SLC28A3: variants seen among roughly 807,000 people sequenced by gnomAD.
SLC28A3 encodes the protein solute carrier family 28 member 3, also known as concentrative Na(+)-nucleoside cotransporter 3.
SLC28A3 carries 68 observed loss-of-function variants against 84.2 expected under a neutral mutation model. The observed-to-expected ratio is 0.81, with a 90% CI of 0.66 to 0.99. SLC28A3 has a LOEUF of 0.99. SLC28A3 is among the 50% of genes least tolerant of loss of function. SLC28A3 has a pLI of 0.00. For synonymous variants in SLC28A3, 267 were observed against 303.6 expected (o/e 0.88, Z 1.25); for missense variants, 712 against 841.5 (o/e 0.85, Z 1.90).
chr9:84,295,366 C>T lies in SLC28A3; in HGVS notation c.862-1091G>A, dbSNP rs369765774. On this transcript the variant is annotated intron_variant, in intron 8 of 17. Transcript: ENST00000376238. The stretch of plus-strand genomic sequence containing the variant: ...TTGGGATGCTGAGGCGGGCGGATCA[C>T]CTGAGGTCAGGAGTTTGAGACCAGC... 4.6e-5 allele frequency among the ~76,000 whole-genome samples: 7 copies of T among 152,076 alleles called. No individual in the cohort carries two copies. In the South Asian group the frequency reaches 8.3e-4, roughly 18 times the overall value.
rs1824649908 is a variant in SLC28A3, at chr9:84,279,401, A to C, written c.1829-16T>G. Reference sequence around the variant, plus strand: ...GAGAGTATGCCTAGAAGTGGAACAGAGTCCCATTTATTTATTATTTTTTAG... The same window carrying C: ...GAGAGTATGCCTAGAAGTGGAACAGCGTCCCATTTATTTATTATTTTTTAG... On this transcript the variant is annotated splice_polypyrimidine_tract_variant and intron_variant, in intron 16 of 17. Transcript: ENST00000376238. 1.4e-6 allele frequency: 2 copies of C among 1,467,312 alleles called. No homozygotes were observed. Among genetic ancestry groups the C allele is most frequent in the East Asian group, 5.0e-5 (2 of 40,032 alleles). The allele number at this position is 1,467,312 out of a possible 1,614,324, so 90.9% of individuals were successfully genotyped here.
At chr9:84,361,911 AAAATAAAT>A in the SLC28A3 span, among the ~76,000 whole-genome samples, 4 of 151,016 alleles carry the variant, frequency 2.6e-5, no homozygotes, top group East Asian at 1.9e-4. Flanking sequence ...TCTGTCTCTA[AAAATAAAT>A]AAATAAATAA....
At chr9:84,326,670 A>C (rs1035248489) in intron 1 of SLC28A3, among the ~76,000 whole-genome samples, 2 of 132,258 alleles carry the variant, frequency 1.5e-5, no homozygotes, top group Non-Finnish European at 3.4e-5. Context: ...CAACAACAAC[A>C]ACAACAACAA....
intron 14 of SLC28A3, among the ~76,000 whole-genome samples, chr9:84,285,075 G>A (rs1400445471): frequency 6.6e-6 from 1 of 152,174 alleles, no homozygotes; most frequent in Non-Finnish European, 1.5e-5. Context: ...ATGTGACTCT[G>A]GGTCTGTGTC....
At chr9:84,356,331 C>T in the SLC28A3 span, among the ~76,000 whole-genome samples, 36,353 of 151,784 alleles carry the variant, frequency 0.24, 6,039 homozygotes, top group African/African-American at 0.47. Flanking sequence ...TTAAGGGCTC[C>T]GAAACTGGGC....
At chr9:84,282,342 G>C (rs1564144456) in intron 14 of SLC28A3, among the ~76,000 whole-genome samples, 1 of 151,836 alleles carries the variant, frequency 6.6e-6, no homozygotes, top group Non-Finnish European at 1.5e-5. Context: ...TATAGTTGTG[G>C]TTACACAGGT....
rs1048330745 is a variant in SLC28A3 at position 84,314,210 on chromosome 9, C to CTT, written c.61-758_61-757dup. 1.1e-4 allele frequency among the ~76,000 whole-genome samples: 16 copies of CTT among 152,090 alleles called. No homozygotes were observed. The East Asian group carries it at 1.9e-3, about 18-fold the overall frequency. On this transcript the variant is annotated intron_variant, in intron 1 of 17. Coordinates refer to ENST00000376238, the MANE Select transcript of SLC28A3 (RefSeq NM_001199633.2). ...CAGTAATGGTCATAAGAAAAATGCC[C>CTT]TTTTTTGTGTGTGTGTGAGGCTGTC...
At chr9:84,313,650 C>T (rs972285113) in intron 1 of SLC28A3, among the ~76,000 whole-genome samples, 196 bp from the exon 2 acceptor site, 3 of 151,948 alleles carry the variant, frequency 2.0e-5, no homozygotes, top group Admixed American at 6.6e-5. Flanking sequence ...CACAGTGGTT[C>T]GTACCTGTAA....
At chr9:84,356,152 C>T in the SLC28A3 span, among the ~76,000 whole-genome samples, 4 of 152,188 alleles carry the variant, frequency 2.6e-5, no homozygotes, top group South Asian at 2.1e-4. Flanking sequence ...AAACTATTGT[C>T]GTAATAGCCA....
intron 16 of SLC28A3, 134 bp from the exon 17 acceptor site, chr9:84,279,519 G>A: frequency 6.2e-6 from 4 of 641,436 alleles, no homozygotes; most frequent in Non-Finnish European, 8.6e-6. Flanking sequence ...TCTGCTCACT[G>A]CAACCTCTGC....
intron 8 of SLC28A3, among the ~76,000 whole-genome samples, chr9:84,295,815 AC>A (rs1165924587): frequency 6.6e-6 from 1 of 152,146 alleles, no homozygotes; most frequent in Non-Finnish European, 1.5e-5. Context: ...GAAAGCTGCT[AC>A]CAGAGGCACA....
chr9:84,309,175 G>A (rs904753128), intron 3 of SLC28A3, among the ~76,000 whole-genome samples: 1 of 152,114 alleles, frequency 6.6e-6, no homozygotes, highest in Admixed American at 6.5e-5. Context: ...GTTGGGTAGG[G>A]AGGGTAGATG....
At chr9:84,346,835 G>A in the SLC28A3 span, among the ~76,000 whole-genome samples, 1 of 152,100 alleles carries the variant, frequency 6.6e-6, no homozygotes, top group African/African-American at 2.4e-5. Flanking sequence ...GGTAATACCT[G>A]TCTGCAATTA....
chr9:84,317,117 T>C (rs1375787845), intron 1 of SLC28A3, among the ~76,000 whole-genome samples: 1 of 152,096 alleles, frequency 6.6e-6, no homozygotes, highest in East Asian at 1.9e-4. Context: ...TCACTTGACT[T>C]GGGTTGTGTA....
chr9:84,305,821 G>A (rs554461572), intron 3 of SLC28A3, among the ~76,000 whole-genome samples: 12 of 152,282 alleles, frequency 7.9e-5, no homozygotes, highest in African/African-American at 1.9e-4. Flanking sequence ...CACCATCCCC[G>A]TTAGTCCAAA....
chr9:84,284,952 G>T (rs778073597), intron 14 of SLC28A3, among the ~76,000 whole-genome samples: 9 of 152,162 alleles, frequency 5.9e-5, no homozygotes, highest in Non-Finnish European at 1.0e-4. Flanking sequence ...TAGACTGTTA[G>T]CCACTAGACT....
intron 1 of SLC28A3, among the ~76,000 whole-genome samples, 181 bp from the exon 2 acceptor site, chr9:84,313,635 C>T (rs1181176964): frequency 6.6e-6 from 1 of 152,040 alleles, no homozygotes; most frequent in African/African-American, 2.4e-5. Context: ...AGATGATCGG[C>T]TGGGCACAGT....
At chr9:84,294,148 G>A in intron 9 of SLC28A3, 47 bp downstream of exon 9, 2 of 1,572,760 alleles carry the variant, frequency 1.3e-6, no homozygotes, top group Middle Eastern at 1.8e-4. Flanking sequence ...TCGTGCCTGA[G>A]ATAATCAGCT....
chr9:84,368,461 G>A, the SLC28A3 span, among the ~76,000 whole-genome samples: 45 of 152,018 alleles, frequency 3.0e-4, no homozygotes, highest in Admixed American at 2.7e-3. Flanking sequence ...CCTGGGTATC[G>A]CTGCTGGTTG....
Sources: gnomAD v4.1 joint callset for allele counts (sites outside exome capture counted in the v4.1 genomes callset) on GRCh38, gnomAD v4.1.1 for gene constraint, MANE v1.5 for transcripts, NCBI Gene and HGNC (gene_info 2026-07-23, HGNC 2026-07-21) for gene names.